SMC1B: variants seen among roughly 807,000 people sequenced by gnomAD.
The protein encoded by SMC1B is structural maintenance of chromosomes protein 1B.
In SMC1B, 60 loss-of-function variants were observed where a neutral mutation model predicts 157.9. The observed-to-expected ratio is 0.38, with a 90% CI of 0.31 to 0.47. The LOEUF (loss-of-function observed/expected upper bound fraction) is 0.47. Ranked by LOEUF, SMC1B falls within the 20% of genes least tolerant of loss-of-function variation. The pLI, the probability that SMC1B is intolerant of heterozygous loss-of-function variation, is 0.99. For synonymous variants in SMC1B, 445 were observed against 483.0 expected (o/e 0.92, Z 1.03); for missense variants, 1,165 against 1,426.2 (o/e 0.82, Z 2.95).
At chr22:45,378,455 A>C (rs370962849) in intron 12 of SMC1B, among the ~76,000 whole-genome samples, 1 of 152,186 alleles carries the variant, frequency 6.6e-6, no homozygotes, top group Non-Finnish European at 1.5e-5. Context: ...TTTATTGAGC[A>C]CTTACTGTTC....
At chr22:45,374,359 T>C (rs767662167) in intron 12 of SMC1B, among the ~76,000 whole-genome samples, 5 of 152,122 alleles carry the variant, frequency 3.3e-5, no homozygotes, top group African/African-American at 9.7e-5. Flanking sequence ...TTTCTAGAGA[T>C]TGGGTTTGAT....
intron 9 of SMC1B, among the ~76,000 whole-genome samples, chr22:45,393,408 T>C (rs1327932109): frequency 6.6e-6 from 1 of 152,200 alleles, no homozygotes; most frequent in Non-Finnish European, 1.5e-5. Flanking sequence ...CATGTCAAGC[T>C]TCTCCCCAAT....
intron 1 of SMC1B, 42 bp downstream of exon 1, chr22:45,413,417 A>ACGGCGGAGGCG: frequency 6.7e-7 from 1 of 1,492,220 alleles, no homozygotes. Flanking sequence ...GACGCCTGGG[A>ACGGCGGAGGCG]CGGCGGAGGC....
chr22:45,400,494 T>C (rs975785138), intron 5 of SMC1B, among the ~76,000 whole-genome samples: 1 of 152,204 alleles, frequency 6.6e-6, no homozygotes, highest in Non-Finnish European at 1.5e-5. Flanking sequence ...TCCATAAATC[T>C]ATACTGATGT....
chr22:45,354,877 CAG>C, intron 20 of SMC1B, 80 bp downstream of exon 20: 3 of 1,341,554 alleles, frequency 2.2e-6, no homozygotes, highest in Admixed American at 3.5e-5. Flanking sequence ...AAAGGGACAA[CAG>C]AGGGGAGATT....
At chr22:45,406,998 G>A (rs1569201120) in intron 2 of SMC1B, 133 bp from the exon 3 acceptor site, 1 of 601,642 alleles carries the variant, frequency 1.7e-6, no homozygotes, top group Non-Finnish European at 2.7e-6. Flanking sequence ...GGGAATAAAT[G>A]CATTTAATGA....
chr22:45,396,249 T>A, intron 7 of SMC1B, 97 bp downstream of exon 7: 1 of 1,023,142 alleles, frequency 9.8e-7, no homozygotes, highest in Non-Finnish European at 1.4e-6. Context: ...GACAGTATAG[T>A]GTAAGGTTAA....
chr22:45,381,816 T>C (rs2086939627), intron 12 of SMC1B, among the ~76,000 whole-genome samples: 1 of 152,226 alleles, frequency 6.6e-6, no homozygotes, highest in African/African-American at 2.4e-5. Context: ...GATTAAAACA[T>C]AAAATGTAGT....
Position 45,361,893 on chromosome 22 carries a change from T to C in SMC1B, c.2654A>G (p.Glu885Gly). The part of the protein sequence containing the change: ...DIRVTQNSSA[E>G]KVQTQIEEER... ...CTCTTCAATTTGAGTTTGAACTTTC[T>C]CGGCACTGGAGTTCTGAGTGACACG... The change falls in exon 17 of 25, where the codon GAG becomes GGG. Residue 885 changes from glutamate to glycine, a missense_variant. By Grantham distance (98) the Glu-to-Gly change is moderately conservative. Coordinates refer to ENST00000357450, the MANE Select transcript of SMC1B (RefSeq NM_148674.5). 1 of 1,614,184 alleles carries C rather than the reference T, an allele frequency of 6.2e-7. No homozygotes were observed. Among genetic ancestry groups the C allele is most frequent in the Admixed American group, 1.7e-5 (1 of 60,020 alleles).
At chr22:45,360,232 A>G (rs775160573) in intron 17 of SMC1B, among the ~76,000 whole-genome samples, 7 of 152,174 alleles carry the variant, frequency 4.6e-5, no homozygotes, top group African/African-American at 1.7e-4. Context: ...TCCTCACTCA[A>G]ATATAAGCTC....
At chr22:45,409,324 C>T (rs988909182) in intron 1 of SMC1B, among the ~76,000 whole-genome samples, 1 of 152,104 alleles carries the variant, frequency 6.6e-6, no homozygotes, top group Non-Finnish European at 1.5e-5. Context: ...AGCACTTTGG[C>T]AGGCCAAGGT....
chr22:45,358,684 A>G lies in SMC1B; in HGVS notation c.2961+13T>C. 1 of 1,503,540 alleles carries G rather than the reference A, an allele frequency of 6.7e-7. No homozygotes were observed. Among genetic ancestry groups the G allele is most frequent in the Non-Finnish European group, 9.2e-7 (1 of 1,087,354 alleles). The allele number at this position is 1,503,540 out of a possible 1,614,324, so 93.1% of individuals were successfully genotyped here. ...TTACTGTGAGTGATAAACAACAGAA[A>G]GCTTTCCATTACCTTCAAATCCTCT... On this transcript the variant is annotated intron_variant, in intron 19 of 24. Transcript: ENST00000357450.
rs761739674 is a variant in SMC1B, at chr22:45,399,257, T to C, written c.951A>G (p.Lys317=). The C allele has an allele frequency of 3.1e-6, 5 of 1,614,060 alleles. No individual in the cohort carries two copies. The South Asian group carries it at 4.4e-5, about 14-fold the overall frequency. The change falls in exon 6 of 25, where the codon AAA becomes AAG. Residue 317 remains lysine (K), a synonymous_variant. Transcript: ENST00000357450. ...HHLKKLDVAK[K]SIKDSEKQCS... ...ATTGTTTTTCGCTGTCCTTTATTGA[T>C]TTCTTAGCCACATCTAATTTCTTAA...
chr22:45,351,979 C>T (rs1332763841), intron 22 of SMC1B, among the ~76,000 whole-genome samples: 1 of 152,124 alleles, frequency 6.6e-6, no homozygotes, highest in African/African-American at 2.4e-5. Context: ...GAAAATAATA[C>T]ACAAATTGGG....
intron 17 of SMC1B, 99 bp from the exon 18 acceptor site, chr22:45,360,057 A>C: frequency 1.1e-6 from 1 of 896,460 alleles, no homozygotes. Flanking sequence ...AAAAAGAATT[A>C]TTTATTCCTG....
chr22:45,401,444 G>A (rs2087192200), intron 5 of SMC1B, among the ~76,000 whole-genome samples: 1 of 152,228 alleles, frequency 6.6e-6, no homozygotes, highest in African/African-American at 2.4e-5. Flanking sequence ...TCAACATGAA[G>A]GCTCCATCTT....
At position 45,347,961 on chromosome 22, in the gene SMC1B, G is replaced by A. The variant is rs138027002; in HGVS notation, c.3495+1767C>T. Among the ~76,000 whole-genome samples, 40 of 152,272 alleles carry A rather than the reference G, an allele frequency of 2.6e-4. No homozygotes were observed. The East Asian group carries it at 6.6e-3, about 25-fold the overall frequency. On this transcript the variant is annotated intron_variant, in intron 23 of 24. Coordinates refer to ENST00000357450, the MANE Select transcript of SMC1B (RefSeq NM_148674.5). ...CATGGTACTGGGAACTCTGCAGGCC[G>A]GTGCTGCCCTTCCCCTGGGCAGTGT...
In SMC1B at chr22:45,370,046, G is replaced by T; in HGVS notation, c.2328C>A (p.Ile776=). The T allele has an allele frequency of 6.4e-7, 1 of 1,569,282 alleles. No homozygotes were observed. The highest frequency in any genetic ancestry group is 1.2e-5 in the South Asian group (1 of 84,306). Residue 776 remains isoleucine, a synonymous_variant, in exon 15 of 25, where the codon ATC becomes ATA. Coordinates refer to ENST00000357450, the MANE Select transcript of SMC1B (RefSeq NM_148674.5). The part of the protein sequence containing the change: ...QEKIDKVEDD[I]FQHFCEEIGV... ...CAATTTCTTCACAGAAGTGTTGGAAGATATCGTCTTCTACCTTTTAAATTA... is the reference window on the plus strand; with the variant it reads ...CAATTTCTTCACAGAAGTGTTGGAATATATCGTCTTCTACCTTTTAAATTA...
At chr22:45,362,123 G>T in intron 16 of SMC1B, 139 bp from the exon 17 acceptor site, 1 of 722,656 alleles carries the variant, frequency 1.4e-6, no homozygotes, top group Non-Finnish European at 2.2e-6. Flanking sequence ...TTCCATCGTG[G>T]ACTGTGACTC....
Sources: allele counts gnomAD v4.1 joint callset (sites outside exome capture counted in the v4.1 genomes callset), GRCh38; gene constraint gnomAD v4.1.1; transcripts MANE v1.5; gene names NCBI Gene and HGNC (gene_info 2026-07-23, HGNC 2026-07-21).